Variants in ZBTB7C observed in about 807,000 individuals in gnomAD.
ZBTB7C encodes zinc finger and BTB domain-containing protein 7C.
Under a neutral mutation model 25.7 loss-of-function variants are expected in ZBTB7C, and 8 were observed. That is an observed-to-expected ratio of 0.31 (90% CI 0.18 to 0.56). The LOEUF is 0.56. Ranked by LOEUF, ZBTB7C falls within the 20% of genes least tolerant of loss-of-function variation. ZBTB7C has a pLI of 0.91. For missense variants in ZBTB7C, 824 were observed against 855.2 expected (o/e 0.96, Z 0.46); for synonymous variants, 394 against 369.0 (o/e 1.07, Z -0.78).
At chr18:48,378,667 A>G (rs2145197915) in intron 1 of ZBTB7C, among the ~76,000 whole-genome samples, 1 of 152,330 alleles carries the variant, frequency 6.6e-6, no homozygotes, top group South Asian at 2.1e-4. Flanking sequence ...ACTTGGAAAG[A>G]ACAGAGACTG....
chr18:48,376,469 G>A (rs919194197), intron 1 of ZBTB7C, among the ~76,000 whole-genome samples: 1 of 152,218 alleles, frequency 6.6e-6, no homozygotes, highest in Non-Finnish European at 1.5e-5. Context: ...CTGAGGCCAA[G>A]GGAAGGTCTC....
At chr18:48,183,387 G>A (rs879123489) in intron 3 of ZBTB7C, among the ~76,000 whole-genome samples, 1 of 152,176 alleles carries the variant, frequency 6.6e-6, no homozygotes, top group Non-Finnish European at 1.5e-5. Context: ...AGAGGTAGAG[G>A]GGAGACTTTT....
At chr18:48,189,969 C>A (rs1254284885) in intron 2 of ZBTB7C, among the ~76,000 whole-genome samples, 3 of 152,176 alleles carry the variant, frequency 2.0e-5, no homozygotes, top group Non-Finnish European at 4.4e-5. Flanking sequence ...ATGGAAGCAA[C>A]ATTCAGGGAG....
chr18:48,328,729 C>G (rs2046281215), intron 2 of ZBTB7C, among the ~76,000 whole-genome samples: 1 of 152,098 alleles, frequency 6.6e-6, no homozygotes, highest in Non-Finnish European at 1.5e-5. Context: ...TACCACGTAG[C>G]CTTAAAATGA....
chr18:48,354,068 T>C (rs569550560), intron 1 of ZBTB7C, among the ~76,000 whole-genome samples: 6 of 152,222 alleles, frequency 3.9e-5, no homozygotes, highest in East Asian at 3.8e-4. Flanking sequence ...AGATCCTCAT[T>C]CAACGAAAGC....
chr18:48,307,880 T>C (rs1420382216), intron 2 of ZBTB7C, among the ~76,000 whole-genome samples: 1 of 152,098 alleles, frequency 6.6e-6, no homozygotes, highest in Non-Finnish European at 1.5e-5. Flanking sequence ...AATTGTACTT[T>C]TCTGCTGCCT....
At chr18:48,284,852 C>T (rs115165369) in intron 2 of ZBTB7C, among the ~76,000 whole-genome samples, 2 of 151,730 alleles carry the variant, frequency 1.3e-5, no homozygotes, top group Admixed American at 1.3e-4. Context: ...CATCCCCAGC[C>T]TCCTTTGGTT....
chr18:48,292,576 G>A (rs866964940), intron 2 of ZBTB7C, among the ~76,000 whole-genome samples: 3 of 152,184 alleles, frequency 2.0e-5, no homozygotes, highest in East Asian at 1.9e-4. Context: ...AAGAGATGCT[G>A]TCTATGCCTC....
intron 2 of ZBTB7C, among the ~76,000 whole-genome samples, chr18:48,188,798 T>C (rs2042124966): frequency 6.6e-6 from 1 of 152,168 alleles, no homozygotes; most frequent in Non-Finnish European, 1.5e-5. Context: ...TTACCATTTG[T>C]TCACCTCATA....
intron 3 of ZBTB7C, among the ~76,000 whole-genome samples, chr18:48,064,352 G>T (rs2037239800): frequency 6.6e-6 from 1 of 152,212 alleles, no homozygotes; most frequent in Non-Finnish European, 1.5e-5. Flanking sequence ...TAGTACTTGT[G>T]AGCTTATCAT....
chr18:48,274,664 T>G (rs1189272169), intron 2 of ZBTB7C, among the ~76,000 whole-genome samples: 1 of 152,258 alleles, frequency 6.6e-6, no homozygotes, highest in Non-Finnish European at 1.5e-5. Context: ...CACTCTGTTC[T>G]GTTGGAACCA....
intron 1 of ZBTB7C, among the ~76,000 whole-genome samples, chr18:48,356,672 C>A (rs2046984330): frequency 6.6e-6 from 1 of 152,190 alleles, no homozygotes; most frequent in African/African-American, 2.4e-5. Context: ...TCTGGACTTA[C>A]AGAATCAGAA....
At chr18:48,279,601 A>C (rs1440512940) in intron 2 of ZBTB7C, among the ~76,000 whole-genome samples, 2 of 152,166 alleles carry the variant, frequency 1.3e-5, no homozygotes, top group East Asian at 3.9e-4. Flanking sequence ...GCAAGGTAGG[A>C]GTCAGACAAG....
intron 3 of ZBTB7C, among the ~76,000 whole-genome samples, chr18:48,051,967 C>T (rs576723485): frequency 1.3e-5 from 2 of 152,216 alleles, no homozygotes; most frequent in Non-Finnish European, 1.5e-5. Context: ...AAAAGTTGCA[C>T]ACCTCTTTCA....
At chr18:48,190,434 G>A (rs1006669910) in intron 2 of ZBTB7C, among the ~76,000 whole-genome samples, 15 of 152,266 alleles carry the variant, frequency 9.9e-5, no homozygotes, top group Admixed American at 1.3e-4. Context: ...TGCCAACTCC[G>A]TGCAGGAGGG....
chr18:48,186,697 G>A (rs1482510919), intron 2 of ZBTB7C, among the ~76,000 whole-genome samples: 3 of 152,158 alleles, frequency 2.0e-5, no homozygotes, highest in Admixed American at 6.5e-5. Flanking sequence ...GGCAATTAAC[G>A]CCCAGAGGCA....
At chr18:48,332,303 G>A (rs766313518) in intron 2 of ZBTB7C, among the ~76,000 whole-genome samples, 12 of 152,194 alleles carry the variant, frequency 7.9e-5, no homozygotes, top group African/African-American at 1.2e-4. Flanking sequence ...ACAAGTCCTT[G>A]GCTCAGGTAG....
At chr18:48,306,457 C>T (rs1380273440) in intron 2 of ZBTB7C, among the ~76,000 whole-genome samples, 2 of 152,200 alleles carry the variant, frequency 1.3e-5, no homozygotes, top group East Asian at 1.9e-4. Context: ...CAGTGTTGTG[C>T]AACCATATCA....
At chr18:48,380,194 C>T (rs1035210217) in intron 1 of ZBTB7C, among the ~76,000 whole-genome samples, 1 of 151,992 alleles carries the variant, frequency 6.6e-6, no homozygotes, top group Non-Finnish European at 1.5e-5. Flanking sequence ...AAGGTGCTGA[C>T]CTTAGTAGTT....
Sources: allele counts gnomAD v4.1 joint callset (sites outside exome capture counted in the v4.1 genomes callset), GRCh38; gene constraint gnomAD v4.1.1; transcripts MANE v1.5; gene names NCBI Gene and HGNC (gene_info 2026-07-23, HGNC 2026-07-21).